ADAMTSL1: variants seen among roughly 807,000 people sequenced by gnomAD.
ADAMTSL1 encodes ADAMTS-like protein 1.
A neutral mutation model predicts 201.8 loss-of-function variants in ADAMTSL1; 126 were observed. The observed-to-expected ratio is 0.62, with a 90% CI of 0.54 to 0.72. ADAMTSL1 has a LOEUF of 0.72. ADAMTSL1 is among the 30% of genes least tolerant of loss of function. The pLI, the probability that ADAMTSL1 is intolerant of heterozygous loss-of-function variation, is 0.00. For synonymous variants in ADAMTSL1, 1,121 were observed against 903.4 expected, an observed-to-expected ratio of 1.24 and a Z score of -4.32; for missense variants, 2,679 against 2,277.8, an observed-to-expected ratio of 1.18 and a Z score of -3.59.
chr9:18,223,800 G>T (rs1383846523), intron 2 of ADAMTSL1, among the ~76,000 whole-genome samples: 3 of 151,738 alleles, frequency 2.0e-5, no homozygotes, highest in African/African-American at 7.3e-5. Context: ...GTTTCTTTAT[G>T]GGACCAGTGA....
intron 1 of ADAMTSL1, among the ~76,000 whole-genome samples, chr9:18,090,484 A>T (rs571083742): frequency 6.6e-6 from 1 of 152,296 alleles, no homozygotes; most frequent in South Asian, 2.1e-4. Context: ...AAGTTAAATA[A>T]TTCAGTCACC....
At chr9:18,601,907 T>C (rs1287478390) in intron 4 of ADAMTSL1, among the ~76,000 whole-genome samples, 1 of 152,136 alleles carries the variant, frequency 6.6e-6, no homozygotes, top group Non-Finnish European at 1.5e-5. Flanking sequence ...CTTAGAACTT[T>C]TAAAAATGAC....
intron 2 of ADAMTSL1, among the ~76,000 whole-genome samples, chr9:18,505,881 G>A (rs941921818): frequency 1.3e-5 from 2 of 152,286 alleles, no homozygotes; most frequent in East Asian, 3.9e-4. Context: ...ATAAGAGTGA[G>A]AATTTCTTGA....
At chr9:17,916,021 A>G (rs1250953404) in intron 1 of ADAMTSL1, among the ~76,000 whole-genome samples, 1 of 152,068 alleles carries the variant, frequency 6.6e-6, no homozygotes, top group African/African-American at 2.4e-5. Context: ...CTGTGTTCAA[A>G]CAATTCTCAT....
intron 1 of ADAMTSL1, among the ~76,000 whole-genome samples, chr9:18,102,639 C>G (rs1043828225): frequency 1.3e-5 from 2 of 152,136 alleles, no homozygotes; most frequent in Non-Finnish European, 2.9e-5. Flanking sequence ...AACAATCCAA[C>G]AGGAGGGCTG....
intron 14 of ADAMTSL1, among the ~76,000 whole-genome samples, chr9:18,716,091 A>T (rs1587968186): frequency 6.6e-6 from 1 of 151,230 alleles, no homozygotes; most frequent in East Asian, 1.9e-4. Flanking sequence ...TCAATTCAAG[A>T]TGGATTAAAG....
intron 23 of ADAMTSL1, among the ~76,000 whole-genome samples, chr9:18,853,731 G>T (rs182470129): frequency 6.6e-6 from 1 of 152,252 alleles, no homozygotes; most frequent in Non-Finnish European, 1.5e-5. Context: ...GGCAAGATAC[G>T]GGTTGGTTAG....
chr9:18,172,939 G>T (rs984361416), intron 2 of ADAMTSL1, among the ~76,000 whole-genome samples: 1 of 152,026 alleles, frequency 6.6e-6, no homozygotes, highest in Admixed American at 6.6e-5. Context: ...ACAGAGGTGC[G>T]AAAAATATGC....
At chr9:18,335,268 G>A (rs754880112) in intron 2 of ADAMTSL1, among the ~76,000 whole-genome samples, 8 of 152,026 alleles carry the variant, frequency 5.3e-5, no homozygotes, top group Non-Finnish European at 1.2e-4. Context: ...GGCAGCAGGT[G>A]GAAAATATTC....
chr9:18,025,278 T>A (rs1249280166), intron 1 of ADAMTSL1, among the ~76,000 whole-genome samples: 1 of 152,118 alleles, frequency 6.6e-6, no homozygotes, highest in East Asian at 1.9e-4. Context: ...ACTTGTCAAT[T>A]TTTATTTTTG....
At chr9:18,510,915 A>G (rs1385736802) in intron 2 of ADAMTSL1, among the ~76,000 whole-genome samples, 1 of 152,104 alleles carries the variant, frequency 6.6e-6, no homozygotes, top group Non-Finnish European at 1.5e-5. Context: ...ATAGTGAACT[A>G]TTTGTCTAGC....
At position 18,639,024 on chromosome 9, in the gene ADAMTSL1, C is replaced by A. The variant is rs537443682; in HGVS notation, c.677-230C>A. Among the ~76,000 whole-genome samples, 17 of 152,164 alleles carry A rather than the reference C, an allele frequency of 1.1e-4. No homozygotes were observed. The East Asian group carries it at 2.3e-3, about 21-fold the overall frequency. ...AGTCAAAGATTTTTTTGACAGGAAC[C>A]CTTGAATGCCTGGCTAATGACTTTT... is the stretch of plus-strand genomic sequence containing the variant. On this transcript the variant is annotated intron_variant, in intron 6 of 28. Coordinates refer to ENST00000380548, the MANE Select transcript of ADAMTSL1 (RefSeq NM_001040272.6).
chr9:18,457,254 T>G (rs552733805), intron 2 of ADAMTSL1, among the ~76,000 whole-genome samples: 4 of 152,306 alleles, frequency 2.6e-5, no homozygotes, highest in African/African-American at 9.6e-5. Context: ...GGGGAATAAA[T>G]GAGGAATAGT....
intron 2 of ADAMTSL1, among the ~76,000 whole-genome samples, chr9:18,253,291 G>A (rs973252629): frequency 2.6e-5 from 4 of 152,136 alleles, no homozygotes; most frequent in African/African-American, 9.7e-5. Context: ...CAGGAAGGAG[G>A]GAATGAAAGG....
chr9:18,082,102 C>A (rs922302247), intron 1 of ADAMTSL1, among the ~76,000 whole-genome samples: 4 of 152,164 alleles, frequency 2.6e-5, no homozygotes, highest in Non-Finnish European at 4.4e-5. Context: ...CAAATAAGCT[C>A]ATTTTCAACT....
intron 2 of ADAMTSL1, among the ~76,000 whole-genome samples, chr9:18,281,230 A>C (rs2132629074): frequency 6.6e-6 from 1 of 152,336 alleles, no homozygotes; most frequent in Admixed American, 6.5e-5. Flanking sequence ...TATAATAAAC[A>C]AATGCTATAA....
At chr9:18,306,427 A>C (rs1485580681) in intron 2 of ADAMTSL1, among the ~76,000 whole-genome samples, 1 of 152,210 alleles carries the variant, frequency 6.6e-6, no homozygotes, top group African/African-American at 2.4e-5. Flanking sequence ...AACCCAATGC[A>C]AGGAAGCTAA....
At chr9:18,609,117 C>T (rs1270729854) in intron 4 of ADAMTSL1, among the ~76,000 whole-genome samples, 1 of 152,122 alleles carries the variant, frequency 6.6e-6, no homozygotes, top group African/African-American at 2.4e-5. Flanking sequence ...AGAAGAATGA[C>T]TATGAGAAAT....
intron 2 of ADAMTSL1, among the ~76,000 whole-genome samples, chr9:18,349,917 T>C (rs1293535439): frequency 6.8e-6 from 1 of 146,784 alleles, no homozygotes; most frequent in Non-Finnish European, 1.5e-5. Context: ...GCAAAAGTAA[T>C]GGCAAAAACA....
Sources: allele counts gnomAD v4.1 joint callset (sites outside exome capture counted in the v4.1 genomes callset), GRCh38; gene constraint gnomAD v4.1.1; transcripts MANE v1.5; gene names NCBI Gene and HGNC (gene_info 2026-07-23, HGNC 2026-07-21).